NSDHL: variants seen among roughly 807,000 people sequenced by gnomAD.
NSDHL encodes NAD(P) dependent 3-beta-hydroxysteroid dehydrogenase NSDHL, also known as sterol-4-alpha-carboxylate 3-dehydrogenase, decarboxylating.
A neutral mutation model predicts 23.0 loss-of-function variants in NSDHL; 1 was observed. That is an observed-to-expected ratio of 0.04 (90% CI 0.02 to 0.21). The LOEUF is 0.21. Among genes scored for constraint, NSDHL ranks in the 10% least tolerant of loss-of-function variants. NSDHL has a pLI of 1.00. For synonymous variants in NSDHL, 128 were observed against 121.1 expected (o/e 1.06, Z -0.37); for missense variants, 237 against 300.9 (o/e 0.79, Z 1.57).
Position 152,869,410 on chromosome X carries a change from T to C in NSDHL, c.*294T>C, listed in dbSNP as rs1933673320. The C allele has an allele frequency of 2.8e-6, 1 of 355,145 alleles. No homozygotes were observed. The highest frequency in any genetic ancestry group is 4.4e-5 in the Admixed American group (1 of 22,687). 29.3% of individuals were successfully genotyped at this position (355,145 alleles called of 1,213,427 possible). ...CCCCTCCCTTGCCCCCTCTTCTGGT[T>C]TATACATTTCATTCCAGTGTCCTTG... On this transcript the variant is annotated 3_prime_UTR_variant, in exon 8 of 8. Transcript: ENST00000370274.
intron 1 of NSDHL, among the ~76,000 whole-genome samples, chrX:152,844,743 G>A (rs1465667176): frequency 8.9e-6 from 1 of 112,429 alleles, no homozygotes; most frequent in Non-Finnish European, 1.9e-5. Flanking sequence ...GAGCTCTGGT[G>A]GGTGTGCCCA....
chrX:152,835,106 C>A (rs1236067635), intron 1 of NSDHL, among the ~76,000 whole-genome samples: 2 of 111,769 alleles, frequency 1.8e-5, no homozygotes, highest in Non-Finnish European at 3.8e-5. Flanking sequence ...GTTGGGCTAA[C>A]TCGCTTCTCT....
intron 4 of NSDHL, among the ~76,000 whole-genome samples, chrX:152,861,777 C>T (rs1350580870): frequency 1.8e-5 from 2 of 112,656 alleles, no homozygotes; most frequent in African/African-American, 6.5e-5. Flanking sequence ...CTTTCTATTA[C>T]ATTTTCAGTT....
At chrX:152,842,469 A>G (rs6627271) in intron 1 of NSDHL, among the ~76,000 whole-genome samples, 8,800 of 111,188 alleles carry the variant, frequency 0.079, 285 homozygotes, top group South Asian at 0.13. Flanking sequence ...TGCCCTGTTG[A>G]TTAGTGACGT....
intron 5 of NSDHL, 125 bp downstream of exon 5, chrX:152,862,849 G>C (rs1556847671): frequency 1.4e-6 from 1 of 716,920 alleles, no homozygotes; most frequent in Non-Finnish European, 2.2e-6. Flanking sequence ...TAAAATTTGT[G>C]GGTGAAATTA....
intron 1 of NSDHL, among the ~76,000 whole-genome samples, chrX:152,841,573 CTG>C (rs1408060673): frequency 1.1e-4 from 12 of 112,337 alleles, no homozygotes; most frequent in African/African-American, 3.9e-4. Context: ...CAACATATCT[CTG>C]TTTTCCTATA....
intron 1 of NSDHL, among the ~76,000 whole-genome samples, chrX:152,840,964 A>G (rs1201593198): frequency 1.8e-5 from 2 of 113,147 alleles, no homozygotes; most frequent in Non-Finnish European, 3.7e-5. Context: ...GGCTCTGCCC[A>G]GTTCGAGCTT....
intron 2 of NSDHL, among the ~76,000 whole-genome samples, chrX:152,847,902 G>A (rs113951507): frequency 0.11 from 11,219 of 104,851 alleles, 757 homozygotes; most frequent in African/African-American, 0.25. Context: ...TGGCTCTGTC[G>A]CCCAGGCTGG....
At chrX:152,852,116 G>T (rs1230623776) in intron 3 of NSDHL, among the ~76,000 whole-genome samples, 8 of 110,767 alleles carry the variant, frequency 7.2e-5, no homozygotes, top group Non-Finnish European at 1.3e-4. Flanking sequence ...TGGTCTGCTT[G>T]TTCGCTTGCA....
intron 1 of NSDHL, among the ~76,000 whole-genome samples, chrX:152,833,938 T>G (rs1457395767): frequency 3.5e-5 from 4 of 112,825 alleles, no homozygotes; most frequent in Non-Finnish European, 5.6e-5. Context: ...GGGGTTCTTT[T>G]ACAAGTTACA....
At chrX:152,841,980 C>T (rs1363322678) in intron 1 of NSDHL, among the ~76,000 whole-genome samples, 1 of 112,410 alleles carries the variant, frequency 8.9e-6, no homozygotes, top group Non-Finnish European at 1.9e-5. Context: ...CCTTTTGTGT[C>T]TAGCTTATTT....
At chrX:152,831,140 T>C (rs1175864987) in intron 1 of NSDHL, 23 bp downstream of exon 1, 2 of 269,507 alleles carry the variant, frequency 7.4e-6, no homozygotes, top group Non-Finnish European at 1.3e-5. Flanking sequence ...GCCTTGCCAT[T>C]GGAGGTCACC....
At chrX:152,846,132 A>G (rs1933269298) in intron 1 of NSDHL, 150 bp from the exon 2 acceptor site, 1 of 472,970 alleles carries the variant, frequency 2.1e-6, no homozygotes, top group African/African-American at 2.4e-5. Flanking sequence ...CCAGCTACTC[A>G]GGAGCCTAGT....
At chrX:152,837,451 T>C (rs1933117350) in intron 1 of NSDHL, among the ~76,000 whole-genome samples, 1 of 111,889 alleles carries the variant, frequency 8.9e-6, no homozygotes, top group African/African-American at 3.3e-5. Flanking sequence ...GTAGCTCTTA[T>C]TATTTTGAGA....
intron 1 of NSDHL, among the ~76,000 whole-genome samples, chrX:152,840,307 A>G (rs1431195087): frequency 8.9e-6 from 1 of 112,214 alleles, no homozygotes; most frequent in Non-Finnish European, 1.9e-5. Flanking sequence ...ACTTCTGTCA[A>G]CTTGTCAAAG....
intron 1 of NSDHL, among the ~76,000 whole-genome samples, chrX:152,838,861 T>C (rs1933144962): frequency 1.8e-5 from 2 of 111,799 alleles, no homozygotes; most frequent in Admixed American, 1.9e-4. Flanking sequence ...CTTGTTAACC[T>C]TCTGTCTTGT....
chrX:152,854,265 G>A (rs1933405719), intron 3 of NSDHL, among the ~76,000 whole-genome samples: 1 of 111,610 alleles, frequency 9.0e-6, no homozygotes, highest in South Asian at 3.8e-4. Flanking sequence ...ACCAGGGTTG[G>A]AGTTTACTAG....
chrX:152,859,082 G>A (rs186735013), intron 4 of NSDHL, among the ~76,000 whole-genome samples, 166 bp downstream of exon 4: 32 of 110,638 alleles, frequency 2.9e-4, no homozygotes, highest in Non-Finnish European at 1.3e-4. Context: ...GATGGTGAAG[G>A]TCTGCTTGCC....
At chrX:152,834,010 G>A (rs782213147) in intron 1 of NSDHL, among the ~76,000 whole-genome samples, 2 of 112,946 alleles carry the variant, frequency 1.8e-5, no homozygotes, top group Admixed American at 9.3e-5. Flanking sequence ...TAGGGAAGAA[G>A]GACGCTGTTT....
Sources: allele counts gnomAD v4.1 joint callset (sites outside exome capture counted in the v4.1 genomes callset), GRCh38; gene constraint gnomAD v4.1.1; transcripts MANE v1.5; gene names NCBI Gene and HGNC (gene_info 2026-07-23, HGNC 2026-07-21).